CARNMT1: variants seen among roughly 807,000 people sequenced by gnomAD.
CARNMT1 encodes the protein carnosine N-methyltransferase 1, also known as protein-L-histidine N-pros-methyltransferase CARNMT1.
Under a neutral mutation model 49.6 loss-of-function variants are expected in CARNMT1, and 28 were observed. The observed-to-expected ratio is 0.56, with a 90% CI of 0.42 to 0.77. CARNMT1 has a LOEUF of 0.77. Among genes scored for constraint, CARNMT1 ranks in the 30% least tolerant of loss-of-function variants. The probability of loss-of-function intolerance (pLI) is 0.00; values close to 1 mark genes in which losing one functional copy is unlikely to be tolerated. For missense variants in CARNMT1, 421 were observed against 512.6 expected, an observed-to-expected ratio of 0.82 and a Z score of 1.73; for synonymous variants, 178 against 175.0, an observed-to-expected ratio of 1.02 and a Z score of -0.13.
Position 74,983,690 on chromosome 9 carries a change from T to C in CARNMT1, c.*77A>G, listed in dbSNP as rs895661689. On this transcript the variant is annotated 3_prime_UTR_variant, in exon 8 of 8. Coordinates refer to ENST00000376834, the MANE Select transcript of CARNMT1 (RefSeq NM_152420.3). ...ATTTGAGGTTGTGTCCTGTCATCAC[T>C]GATAGTTGATTTTGAGTCGTTGATT... is the stretch of plus-strand genomic sequence containing the variant. 31 of 810,620 alleles carry C rather than the reference T, an allele frequency of 3.8e-5. No homozygotes were observed. Among genetic ancestry groups the C allele is most frequent in the Non-Finnish European group, 6.3e-5 (31 of 493,930 alleles). 50.2% of individuals were successfully genotyped at this position (810,620 alleles called of 1,614,324 possible).
Position 74,982,676 on chromosome 9 carries a change from T to C in CARNMT1, c.*1091A>G, listed in dbSNP as rs1294434941. On this transcript the variant is annotated 3_prime_UTR_variant, in exon 8 of 8. Coordinates refer to ENST00000376834, the MANE Select transcript of CARNMT1 (RefSeq NM_152420.3). ...TTTTCCTAGTATATAATTTTTTTAA[T>C]GAAAAAAGTGCTTGCTTTCATAATC... 6.6e-6 allele frequency: 1 copy of C among 152,176 alleles called. No individual in the cohort carries two copies. The highest frequency in any genetic ancestry group is 2.4e-5 in the African/African-American group (1 of 41,454). 9.4% of individuals were successfully genotyped at this position (152,176 alleles called of 1,614,324 possible). A position where few individuals can be genotyped will look rare whatever the true frequency, so the allele number is the denominator to read the frequency against.
intron 1 of CARNMT1, among the ~76,000 whole-genome samples, chr9:75,023,613 A>C (rs796421498): frequency 6.6e-6 from 1 of 152,226 alleles, no homozygotes; most frequent in African/African-American, 2.4e-5. Context: ...ACTAAAGTTG[A>C]GAATATAGTC....
intron 3 of CARNMT1, among the ~76,000 whole-genome samples, chr9:75,005,969 T>G (rs1366451386): frequency 6.6e-6 from 1 of 152,044 alleles, no homozygotes; most frequent in East Asian, 1.9e-4. Flanking sequence ...AACAGAGTCC[T>G]AGAAATTTAC....
chr9:75,024,815 CT>C (rs1822476592), intron 1 of CARNMT1, among the ~76,000 whole-genome samples: 1 of 152,312 alleles, frequency 6.6e-6, no homozygotes, highest in South Asian at 2.1e-4. Flanking sequence ...CACCAACCCC[CT>C]GTGCAGTCGA....
At position 75,028,232 on chromosome 9, in the gene CARNMT1, G is replaced by A; in HGVS notation, c.10C>T (p.Arg4Trp). 1 of 1,386,446 alleles carries A rather than the reference G, an allele frequency of 7.2e-7. No individual in the cohort carries two copies. Among genetic ancestry groups the A allele is most frequent in the Non-Finnish European group, 9.3e-7 (1 of 1,073,938 alleles). 85.9% of individuals were successfully genotyped at this position (1,386,446 alleles called of 1,614,324 possible). A position where few individuals can be genotyped will look rare whatever the true frequency, so the allele number is the denominator to read the frequency against. The change falls in exon 1 of 8, where the codon CGG (arginine) becomes TGG (tryptophan). Residue 4 changes from arginine (R) to tryptophan (W), a missense_variant. This residue lies in a region of CARNMT1 where 186 missense variants were observed against 167.9 expected (regional missense o/e 1.11). Coordinates refer to ENST00000376834, the MANE Select transcript of CARNMT1 (RefSeq NM_152420.3). Reference protein sequence around the residue: MQRRRRPPPPTSRL... With the variant: MQRWRRPPPPTSRL... ...GAGGTGGGCGGCGGAGGGCGACGCC[G>A]TCGCTGCATCGCCGCCGCGGCCCTC...
intron 6 of CARNMT1, among the ~76,000 whole-genome samples, chr9:74,993,763 T>G (rs1233808152): frequency 6.6e-6 from 1 of 152,032 alleles, no homozygotes; most frequent in Admixed American, 6.6e-5. Context: ...ACTATACAGG[T>G]CAGACCCCCA....
intron 1 of CARNMT1, among the ~76,000 whole-genome samples, chr9:75,024,395 C>G (rs527744672): frequency 6.6e-6 from 1 of 152,254 alleles, no homozygotes; most frequent in African/African-American, 2.4e-5. Flanking sequence ...CTATCCACAT[C>G]CTCACCTGTA....
chr9:74,994,782 T>C (rs1833138479), intron 6 of CARNMT1, among the ~76,000 whole-genome samples: 1 of 152,174 alleles, frequency 6.6e-6, no homozygotes, highest in Admixed American at 6.6e-5. Context: ...CTTTATAAAG[T>C]ACTAACCTTC....
At chr9:75,012,021 C>T (rs963106926) in intron 3 of CARNMT1, among the ~76,000 whole-genome samples, 3 of 152,110 alleles carry the variant, frequency 2.0e-5, no homozygotes, top group African/African-American at 7.2e-5. Context: ...AGACTCCTGA[C>T]CCATAGCAAC....
chr9:75,017,416 T>C lies in CARNMT1; in HGVS notation c.263A>G (p.Glu88Gly). 1 of 1,614,128 alleles carries C rather than the reference T, an allele frequency of 6.2e-7. No individual in the cohort carries two copies. Among genetic ancestry groups the C allele is most frequent in the South Asian group, 1.1e-5 (1 of 91,074 alleles). ...AGCTGGAAGTGATCGAAACTGTCTT[T>C]CTGTTCGGTTCACCCGCTCATGCAT... ...TSMHERVNRT[E>G]RQFRSLPANQ... Residue 88 changes from glutamate to glycine, a missense_variant, in exon 2 of 8, where the codon GAA becomes GGA. By Grantham distance (98) the Glu-to-Gly change is moderately conservative. This residue lies in a region of CARNMT1 where 186 missense variants were observed against 167.9 expected (regional missense o/e 1.11). Coordinates refer to ENST00000376834, the MANE Select transcript of CARNMT1 (RefSeq NM_152420.3).
chr9:75,013,404 A>T (rs1448421808), intron 3 of CARNMT1, among the ~76,000 whole-genome samples: 1 of 152,198 alleles, frequency 6.6e-6, no homozygotes, highest in Admixed American at 6.5e-5. Context: ...TTTAAATAAA[A>T]ATTAAAGTTA....
At chr9:75,011,953 G>A (rs1439238300) in intron 3 of CARNMT1, among the ~76,000 whole-genome samples, 1 of 152,200 alleles carries the variant, frequency 6.6e-6, no homozygotes, top group Non-Finnish European at 1.5e-5. Flanking sequence ...CAGCCCGGCA[G>A]ACACGTGGAT....
chr9:75,025,647 T>G (rs1822502686), intron 1 of CARNMT1, among the ~76,000 whole-genome samples: 1 of 152,226 alleles, frequency 6.6e-6, no homozygotes, highest in Non-Finnish European at 1.5e-5. Flanking sequence ...TTTGCTAAGT[T>G]TTTCAAATTG....
chr9:75,022,333 T>C (rs1406060795), intron 1 of CARNMT1, among the ~76,000 whole-genome samples: 4 of 150,718 alleles, frequency 2.7e-5, no homozygotes, highest in African/African-American at 7.3e-5. Context: ...AAGCGCTTCT[T>C]CTGGTTCAGT....
intron 3 of CARNMT1, chr9:75,015,787 A>AT (rs1564104228): frequency 6.7e-6 from 1 of 149,044 alleles, no homozygotes; most frequent in Non-Finnish European, 1.5e-5. Flanking sequence ...CTGTCTCAAA[A>AT]AAATAAATAA....
intron 3 of CARNMT1, among the ~76,000 whole-genome samples, chr9:75,013,174 G>A (rs1336670785): frequency 6.6e-6 from 1 of 152,080 alleles, no homozygotes; most frequent in Non-Finnish European, 1.5e-5. Flanking sequence ...ACCCATGCAC[G>A]GAGACCTGAA....
chr9:74,996,896 C>G (rs1383747108), intron 5 of CARNMT1, among the ~76,000 whole-genome samples: 1 of 152,130 alleles, frequency 6.6e-6, no homozygotes, highest in Non-Finnish European at 1.5e-5. Flanking sequence ...TCACTTAAAA[C>G]AAAATAATAG....
At chr9:75,023,153 AG>A (rs376463440) in intron 1 of CARNMT1, among the ~76,000 whole-genome samples, 1 of 151,120 alleles carries the variant, frequency 6.6e-6, no homozygotes, top group Non-Finnish European at 1.5e-5. Flanking sequence ...AAAAAAAAAA[AG>A]AAAAAGAAAT....
intron 3 of CARNMT1, among the ~76,000 whole-genome samples, chr9:75,013,347 T>C (rs187876792): frequency 3.7e-4 from 56 of 152,338 alleles, no homozygotes; most frequent in African/African-American, 1.3e-3. Context: ...AAATTTCTTC[T>C]GAAATTATAT....
Sources: allele counts gnomAD v4.1 joint callset (sites outside exome capture counted in the v4.1 genomes callset), GRCh38; gene constraint gnomAD v4.1.1; regional missense constraint gnomAD v4.1.1; transcripts MANE v1.5; gene names NCBI Gene and HGNC (gene_info 2026-07-23, HGNC 2026-07-21).